Variants in QPCTL observed in about 807,000 individuals in gnomAD.
QPCTL encodes glutaminyl-peptide cyclotransferase like.
QPCTL carries 31 observed loss-of-function variants against 34.6 expected under a neutral mutation model. That is an observed-to-expected ratio of 0.90 (90% CI 0.67 to 1.21). The LOEUF (loss-of-function observed/expected upper bound fraction) is 1.21, where lower values mean the gene tolerates loss of function less well. Ranked by LOEUF, QPCTL falls within the 50% of genes most tolerant of loss-of-function variation. QPCTL has a pLI of 0.00. For synonymous variants in QPCTL, 223 were observed against 226.9 expected, an observed-to-expected ratio of 0.98 and a Z score of 0.15; for missense variants, 474 against 507.8, an observed-to-expected ratio of 0.93 and a Z score of 0.64.
At chr19:45,695,844 G>A (rs1280415904) in intron 3 of QPCTL, 126 bp downstream of exon 3, 2 of 1,158,418 alleles carry the variant, frequency 1.7e-6, no homozygotes, top group Admixed American at 3.6e-5. Flanking sequence ...AGAGCCACAG[G>A]GATCTTTTTT....
At position 45,695,566 on chromosome 19, in the gene QPCTL, C is replaced by T. The variant is rs959703358; in HGVS notation, c.481C>T (p.Arg161Cys). The change falls in exon 3 of 7, where the codon CGT becomes TGT. Residue 161 changes from arginine (R) to cysteine (C), a missense_variant. Physicochemically the swap from Arg to Cys is radical, Grantham distance 180. Transcript: ENST00000012049. ...VVATLDPRAA[R>C]HLTLACHYDS... The stretch of plus-strand genomic sequence containing the variant: ...GGCCACACTGGACCCAAGGGCTGCC[C>T]GTCACCTCACCCTTGCCTGCCATTA... 8 of 1,614,124 alleles carry T rather than the reference C, an allele frequency of 5.0e-6. No homozygotes were observed. Among genetic ancestry groups the T allele is most frequent in the Middle Eastern group, 1.6e-4 (1 of 6,062 alleles).
chr19:45,696,616 T>C (rs1176013175), intron 3 of QPCTL, among the ~76,000 whole-genome samples: 1 of 148,634 alleles, frequency 6.7e-6, no homozygotes, highest in Non-Finnish European at 1.5e-5. Flanking sequence ...TATCTGGGAG[T>C]AGTGGCATGC....
chr19:45,698,123 G>A (rs73042346), intron 3 of QPCTL, among the ~76,000 whole-genome samples: 74 of 152,084 alleles, frequency 4.9e-4, no homozygotes, highest in Non-Finnish European at 5.1e-4. Context: ...GGAACCTGTG[G>A]TCACAGCTGT....
chr19:45,695,867 C>T (rs1175876823), intron 3 of QPCTL, 149 bp downstream of exon 3: 11 of 1,020,350 alleles, frequency 1.1e-5, no homozygotes, highest in South Asian at 3.5e-5. Context: ...TTTTTTGAGA[C>T]GGAGTTTCGC....
chr19:45,700,568 G>T (rs1362555607), intron 5 of QPCTL, among the ~76,000 whole-genome samples: 1 of 152,098 alleles, frequency 6.6e-6, no homozygotes, highest in Non-Finnish European at 1.5e-5. Flanking sequence ...TACCAGACAG[G>T]GGCTCTAAGG....
intron 1 of QPCTL, among the ~76,000 whole-genome samples, chr19:45,693,140 C>T (rs1967607882): frequency 6.6e-6 from 1 of 152,116 alleles, no homozygotes; most frequent in Non-Finnish European, 1.5e-5. Flanking sequence ...CAGGGTTCTA[C>T]GCCTTTAGTC....
At chr19:45,699,889 G>A (rs144406805) in intron 5 of QPCTL, among the ~76,000 whole-genome samples, 4,442 of 141,134 alleles carry the variant, frequency 0.031, 222 homozygotes, top group African/African-American at 0.11. Context: ...CCGAGATCAC[G>A]CCACTGCACT....
intron 5 of QPCTL, among the ~76,000 whole-genome samples, chr19:45,700,928 C>T (rs1480853020): frequency 1.4e-5 from 2 of 143,144 alleles, no homozygotes; most frequent in South Asian, 2.2e-4. Flanking sequence ...TACTGCACTC[C>T]AGCCTGGCGA....
Position 45,703,034 on chromosome 19 carries a change from A to T in QPCTL, c.1134A>T (p.Glu378Asp). The T allele has an allele frequency of 6.2e-7, 1 of 1,614,142 alleles. No individual in the cohort carries two copies. The highest frequency in any genetic ancestry group is 8.5e-7 in the Non-Finnish European group (1 of 1,180,018). ...LCRILAVFLA[E>D]YLGL ...GCATTCTCGCTGTGTTCCTGGCTGA[A>T]TACCTGGGGCTCTAGCGTGCTTGGC... Residue 378 changes from glutamate (E) to aspartate (D), a missense_variant, in exon 7 of 7, where the codon GAA becomes GAT. Coordinates refer to ENST00000012049, the MANE Select transcript of QPCTL (RefSeq NM_017659.4).
At chr19:45,696,091 C>T (rs930099217) in intron 3 of QPCTL, among the ~76,000 whole-genome samples, 1 of 152,016 alleles carries the variant, frequency 6.6e-6, no homozygotes, top group Admixed American at 6.6e-5. Flanking sequence ...CCCCCAAACC[C>T]TCCCAGGGCT....
At chr19:45,695,824 C>A in intron 3 of QPCTL, 106 bp downstream of exon 3, 1 of 1,295,122 alleles carries the variant, frequency 7.7e-7, no homozygotes, top group South Asian at 1.5e-5. Flanking sequence ...TCCCACTCTA[C>A]TCCACGCACA....
At chr19:45,702,095 T>C (rs1967821899) in intron 6 of QPCTL, among the ~76,000 whole-genome samples, 181 bp downstream of exon 6, 1 of 152,128 alleles carries the variant, frequency 6.6e-6, no homozygotes. Context: ...TTGAGGGGAT[T>C]GAACATGCTA....
rs373983312 is a variant in QPCTL at position 45,698,832 on chromosome 19, C to T, written c.818C>T (p.Ala273Val). ...TTTATGCTTCTTGATCTCCTGGGAG[C>T]CCCCAATCCCACCTTCTACAGCCAC... ...ELFMLLDLLG[A>V]PNPTFYSHFP... is the part of the protein sequence containing the mutation. Residue 273 changes from alanine to valine, a missense_variant, in exon 5 of 7, where the codon GCC (alanine) becomes GTC (valine). Transcript: ENST00000012049. 5.6e-6 allele frequency: 9 copies of T among 1,613,872 alleles called. No homozygotes were observed. The highest frequency in any genetic ancestry group is 3.3e-5 in the Admixed American group (2 of 59,984).
chr19:45,701,276 TC>T (rs1379606817), intron 5 of QPCTL, among the ~76,000 whole-genome samples: 2 of 148,614 alleles, frequency 1.3e-5, no homozygotes, highest in African/African-American at 5.0e-5. Context: ...GAGAGCAAGA[TC>T]TTTTTTTTTT....
At chr19:45,693,803 T>A (rs1391985787) in intron 2 of QPCTL, among the ~76,000 whole-genome samples, 1 of 152,154 alleles carries the variant, frequency 6.6e-6, no homozygotes, top group Non-Finnish European at 1.5e-5. Flanking sequence ...ACCAATATGA[T>A]CTTCATTATG....
Position 45,695,451 on chromosome 19 carries a change from G to C in QPCTL, c.366G>C (p.Thr122=). 1 of 1,476,580 alleles carries C rather than the reference G, an allele frequency of 6.8e-7. No homozygotes were observed. The highest frequency in any genetic ancestry group is 9.1e-7 in the Non-Finnish European group (1 of 1,094,252). 91.5% of individuals were successfully genotyped at this position (1,476,580 alleles called of 1,614,324 possible). A position where few individuals can be genotyped will look rare whatever the true frequency, so the allele number is the denominator to read the frequency against. ...NLQVRKFLEA[T]LRSLTAGWHV... ...CTTGCCGCTAGTTCCTGGAGGCCACGCTGCGGTCCCTGACAGCAGGTTGGC... is the reference window on the plus strand; with the variant it reads ...CTTGCCGCTAGTTCCTGGAGGCCACCCTGCGGTCCCTGACAGCAGGTTGGC... The change falls in exon 3 of 7, where the codon ACG becomes ACC. Residue 122 remains threonine (T), a synonymous_variant. Transcript: ENST00000012049.
In QPCTL at chr19:45,698,981, TAC is replaced by T. The variant is rs1296651021; in HGVS notation, c.886+84_886+85del. 4 of 1,221,524 alleles carry T rather than the reference TAC, an allele frequency of 3.3e-6. No individual in the cohort carries two copies. The African/African-American group carries it at 6.1e-5, about 19-fold the overall frequency. 75.7% of individuals were successfully genotyped at this position (1,221,524 alleles called of 1,614,324 possible). On this transcript the variant is annotated intron_variant, in intron 5 of 6. Coordinates refer to ENST00000012049, the MANE Select transcript of QPCTL (RefSeq NM_017659.4). Reference sequence around the variant, plus strand: ...GGTGGGCTGGGGTAGGACAGGCACCTACACTCTAAAGGCTCATCCACCAGTCT... The same window carrying T: ...GGTGGGCTGGGGTAGGACAGGCACCTACTCTAAAGGCTCATCCACCAGTCT...
In QPCTL at chr19:45,693,417, CA is replaced by C; in HGVS notation, c.213del (p.Leu72Ter). 6.2e-7 allele frequency: 1 copy of C among 1,610,572 alleles called. No homozygotes were observed. The highest frequency in any genetic ancestry group is 1.3e-5 in the African/African-American group (1 of 74,956). On this transcript the variant is annotated frameshift_variant, in exon 2 of 7. Coordinates refer to ENST00000012049, the MANE Select transcript of QPCTL (RefSeq NM_017659.4). LOFTEE classifies it high-confidence loss of function. ...CTATCCCACCTCCTTCCCAAGGTCC[CA>C]TTGATCGGAAGCCTCCCCGAAGCCC... ...ELPLGRELRV[P>X]LIGSLPEARL...
chr19:45,702,663 C>A (rs1393810754), intron 6 of QPCTL, among the ~76,000 whole-genome samples: 1 of 151,418 alleles, frequency 6.6e-6, no homozygotes, highest in East Asian at 1.9e-4. Context: ...ACCCGGGAGG[C>A]TAAGACGGTA....
Sources: gnomAD v4.1 joint callset for allele counts (sites outside exome capture counted in the v4.1 genomes callset) on GRCh38, gnomAD v4.1.1 for gene constraint, MANE v1.5 for transcripts, NCBI Gene and HGNC (gene_info 2026-07-23, HGNC 2026-07-21) for gene names.